Variants in AKAP12 observed in about 807,000 individuals in gnomAD.
The protein encoded by AKAP12 is A-kinase anchor protein 12.
AKAP12 carries 32 observed loss-of-function variants against 79.9 expected under a neutral mutation model. That is an observed-to-expected ratio of 0.40 (90% CI 0.30 to 0.54). AKAP12 has a LOEUF of 0.54. Among genes scored for constraint, AKAP12 ranks in the 20% least tolerant of loss-of-function variants. The pLI is 0.48. For missense variants in AKAP12, 2,074 were observed against 2,177.0 expected, an observed-to-expected ratio of 0.95 and a Z score of 0.94; for synonymous variants, 808 against 857.0, an observed-to-expected ratio of 0.94 and a Z score of 1.00.
At chr6:151,331,752 G>A (rs1399670189) in intron 3 of AKAP12, among the ~76,000 whole-genome samples, 11 of 151,836 alleles carry the variant, frequency 7.2e-5, no homozygotes, top group Non-Finnish European at 1.3e-4. Flanking sequence ...GGGCGTGGTG[G>A]CAGGCACCTG....
At chr6:151,298,429 TGTTAATA>T (rs1776784090) in intron 2 of AKAP12, among the ~76,000 whole-genome samples, 1 of 152,192 alleles carries the variant, frequency 6.6e-6, no homozygotes, top group Non-Finnish European at 1.5e-5. Context: ...CTAAAATTTA[TGTTAATA>T]GTTGACTTAT....
intron 3 of AKAP12, among the ~76,000 whole-genome samples, chr6:151,306,667 C>T (rs776850165): frequency 2.6e-5 from 4 of 152,290 alleles, no homozygotes; most frequent in African/African-American, 7.2e-5. Context: ...GATTCAACAT[C>T]GCCTCACTTA....
Position 151,289,089 on chromosome 6 carries a change from T to C in AKAP12, c.163-16658T>C, listed in dbSNP as rs1776563771. Among the ~76,000 whole-genome samples, 10 of 152,356 alleles carry C rather than the reference T, an allele frequency of 6.6e-5. No individual in the cohort carries two copies. The South Asian group carries it at 2.1e-3, about 32-fold the overall frequency. ...GGAGGATTTTTGTTTTTAGTAGATA[T>C]TGCTGGACATAGGTTTTTCTTTTCT... On this transcript the variant is annotated intron_variant, in intron 2 of 4. Transcript: ENST00000402676.
At position 151,333,756 on chromosome 6, in the gene AKAP12, AT is replaced by A. The variant is rs1158490255; in HGVS notation, c.320-14954del. 1.1e-3 allele frequency among the ~76,000 whole-genome samples: 160 copies of A among 146,882 alleles called. 1 individual carries two copies. The highest frequency in any genetic ancestry group is 4.0e-3 in the African/African-American group (156 of 39,194). On this transcript the variant is annotated intron_variant, in intron 3 of 4. Coordinates refer to ENST00000402676, the MANE Select transcript of AKAP12 (RefSeq NM_005100.4). ...TGTGACTTCAAAAAAAAAAAAAAAAATGAAAGGTTTCTGCTCACCACAAACT... is the reference window on the plus strand; with the variant it reads ...TGTGACTTCAAAAAAAAAAAAAAAAAGAAAGGTTTCTGCTCACCACAAACT...
At chr6:151,244,410 G>A (rs1345916908) in intron 2 of AKAP12, among the ~76,000 whole-genome samples, 2 of 152,200 alleles carry the variant, frequency 1.3e-5, no homozygotes, top group Non-Finnish European at 2.9e-5. Flanking sequence ...TGTAGTCCCA[G>A]CCACTCGGGA....
chr6:151,345,932 T>TGTGTGTGTGA (rs1349850485), intron 3 of AKAP12, among the ~76,000 whole-genome samples: 2 of 101,376 alleles, frequency 2.0e-5, no homozygotes, highest in African/African-American at 8.7e-5. Context: ...TGTGTGTGTG[T>TGTGTGTGTGA]GAGAGAGAGA....
At chr6:151,261,506 C>T (rs1797433416) in intron 2 of AKAP12, among the ~76,000 whole-genome samples, 2 of 151,844 alleles carry the variant, frequency 1.3e-5, no homozygotes, top group Non-Finnish European at 2.9e-5. Flanking sequence ...CGCAAAAATA[C>T]AACCCGTCTC....
intron 3 of AKAP12, among the ~76,000 whole-genome samples, chr6:151,323,478 G>A (rs555004891): frequency 1.4e-4 from 22 of 152,064 alleles, no homozygotes; most frequent in African/African-American, 5.1e-4. Context: ...ACTTGAACCC[G>A]GGGGTCAGAG....
chr6:151,264,892 T>G (rs1797520161), intron 2 of AKAP12, among the ~76,000 whole-genome samples: 1 of 150,530 alleles, frequency 6.6e-6, no homozygotes, highest in Non-Finnish European at 1.5e-5. Flanking sequence ...TGGCTCTCGC[T>G]TGTAATCCCA....
In AKAP12 at chr6:151,278,953, C is replaced by T. The variant is rs111490131; in HGVS notation, c.163-26794C>T. Among the ~76,000 whole-genome samples, 1,186 of 152,356 alleles carry T rather than the reference C, an allele frequency of 7.8e-3. 16 individuals are homozygous for T. The highest frequency in any genetic ancestry group is 0.027 in the African/African-American group (1,123 of 41,584). ...AAGTGCTGGGATTACAGGCATGAGCCACCGCGCCCGGCGGTAGTATCTAGT... is the reference window on the plus strand; with the variant it reads ...AAGTGCTGGGATTACAGGCATGAGCTACCGCGCCCGGCGGTAGTATCTAGT... On this transcript the variant is annotated intron_variant, in intron 2 of 4. Coordinates refer to ENST00000402676, the MANE Select transcript of AKAP12 (RefSeq NM_005100.4).
chr6:151,350,053 T>A lies in AKAP12; in HGVS notation c.1662T>A (p.Ser554=). ...AGCACACTCAGGTTCCAGCCGATTC[T>A]CCGGACAGCCAGGAGGAGCAAAAGG... ...SGEHTQVPAD[S]PDSQEEQKGE... The change falls in exon 4 of 5, where the codon TCT becomes TCA. Residue 554 remains serine (S), a synonymous_variant. Coordinates refer to ENST00000402676, the MANE Select transcript of AKAP12 (RefSeq NM_005100.4). This position sits in a 1 kb window ranked among gnomAD's most constrained non-coding sequence, Gnocchi z 4.8. 1 of 1,613,970 alleles carries A rather than the reference T, an allele frequency of 6.2e-7. No individual in the cohort carries two copies. The highest frequency in any genetic ancestry group is 8.5e-7 in the Non-Finnish European group (1 of 1,180,000).
chr6:151,311,583 G>A (rs555247528), intron 3 of AKAP12, among the ~76,000 whole-genome samples: 166 of 152,180 alleles, frequency 1.1e-3, no homozygotes, highest in Non-Finnish European at 2.1e-3. Context: ...AAGTCTTTGA[G>A]GGGATGTATT....
At chr6:151,310,247 C>T (rs1777063366) in intron 3 of AKAP12, among the ~76,000 whole-genome samples, 1 of 152,090 alleles carries the variant, frequency 6.6e-6, no homozygotes, top group Non-Finnish European at 1.5e-5. Flanking sequence ...TGCCTGATAT[C>T]CCAGCTACTC....
At chr6:151,335,394 T>C (rs1393382748) in intron 3 of AKAP12, among the ~76,000 whole-genome samples, 1 of 152,222 alleles carries the variant, frequency 6.6e-6, no homozygotes, top group East Asian at 1.9e-4. Context: ...CCAGCCTTAG[T>C]GTCCTCACCT....
At chr6:151,288,351 C>T (rs2346899) in intron 2 of AKAP12, among the ~76,000 whole-genome samples, 3 of 151,792 alleles carry the variant, frequency 2.0e-5, no homozygotes, top group Non-Finnish European at 2.9e-5. Flanking sequence ...CCTGACTCTA[C>T]GAAAAATACA....
At chr6:151,258,983 A>C (rs1315194224) in intron 2 of AKAP12, among the ~76,000 whole-genome samples, 1 of 151,444 alleles carries the variant, frequency 6.6e-6, no homozygotes, top group Admixed American at 6.6e-5. Context: ...GTATATATAC[A>C]CATAATGTAT....
rs1365867144 is a variant in AKAP12, at chr6:151,352,165, G to A, written c.3774G>A (p.Leu1258=). Residue 1258 remains leucine (L), a synonymous_variant, in exon 4 of 5, where the codon CTG becomes CTA. Coordinates refer to ENST00000402676, the MANE Select transcript of AKAP12 (RefSeq NM_005100.4). ...KEVSVETVSI[L]SKTEGTQEAD... ...TGTCAGTGGAAACTGTATCCATTCT[G>A]TCAAAGACTGAGGGGACTCAAGAGG... 3 of 1,614,050 alleles carry A rather than the reference G, an allele frequency of 1.9e-6. No homozygotes were observed. The highest frequency in any genetic ancestry group is 2.5e-6 in the Non-Finnish European group (3 of 1,180,052).
chr6:151,341,580 C>T, intron 3 of AKAP12: 1 of 512,522 alleles, frequency 2.0e-6, no homozygotes, highest in Non-Finnish European at 2.7e-6. Context: ...CCCAGGCTTT[C>T]GCGAGCTATG....
At chr6:151,295,538 G>T (rs149416564) in intron 2 of AKAP12, among the ~76,000 whole-genome samples, 5 of 152,080 alleles carry the variant, frequency 3.3e-5, no homozygotes, top group Non-Finnish European at 7.4e-5. Context: ...TGCAGAAACC[G>T]TTCCAGCCGC....
Sources: allele counts gnomAD v4.1 joint callset (sites outside exome capture counted in the v4.1 genomes callset), GRCh38; gene constraint gnomAD v4.1.1; non-coding constraint Gnocchi (gnomAD v3.1); transcripts MANE v1.5; gene names NCBI Gene and HGNC (gene_info 2026-07-23, HGNC 2026-07-21).